The following NPAS3 variants were observed in gnomAD, a reference collection of about 807,000 sequenced individuals.
NPAS3 encodes the protein neuronal PAS domain-containing protein 3.
A neutral mutation model predicts 73.1 loss-of-function variants in NPAS3; 14 were observed. The ratio of observed to expected loss-of-function variants is 0.19; its 90% CI spans 0.13 to 0.30. The LOEUF (loss-of-function observed/expected upper bound fraction) is 0.30, where lower values mean the gene tolerates loss of function less well. Ranked by LOEUF, NPAS3 falls within the 10% of genes least tolerant of loss-of-function variation. The pLI, the probability that NPAS3 is intolerant of heterozygous loss-of-function variation, is 1.00. For synonymous variants in NPAS3, 620 were observed against 541.5 expected, an observed-to-expected ratio of 1.14 and a Z score of -2.01; for missense variants, 1,096 against 1,250.0, an observed-to-expected ratio of 0.88 and a Z score of 1.86.
rs2046078996 is a variant in NPAS3 at position 33,371,336 on chromosome 14, A to T, written c.468+4068A>T. ...GTAAAGGAGAAGAATCTGAGTGTTC[A>T]TGGTAAAGAAAGGGTGGGAAATGAG... On this transcript the variant is annotated intron_variant, in intron 4 of 11. Transcript: ENST00000356141. Among the ~76,000 whole-genome samples the T allele has an allele frequency of 5.3e-5, 8 of 152,284 alleles. No homozygotes were observed. The South Asian group carries it at 1.7e-3, about 32-fold the overall frequency.
chr14:33,630,358 G>A (rs919447426), intron 5 of NPAS3, among the ~76,000 whole-genome samples: 1 of 152,152 alleles, frequency 6.6e-6, no homozygotes, highest in African/African-American at 2.4e-5. Flanking sequence ...GTTTAATCAG[G>A]ACTGGGATTT....
chr14:33,322,428 AC>A (rs2043492312), intron 3 of NPAS3, among the ~76,000 whole-genome samples: 3 of 151,146 alleles, frequency 2.0e-5, no homozygotes, highest in Admixed American at 1.3e-4. Flanking sequence ...CTGAGCAATT[AC>A]GTTTTTGCTA....
intron 6 of NPAS3, among the ~76,000 whole-genome samples, chr14:33,693,704 T>G (rs1183963849): frequency 6.6e-6 from 1 of 152,212 alleles, no homozygotes; most frequent in Non-Finnish European, 1.5e-5. Context: ...ATTCTTAATA[T>G]GCACTAAAAT....
rs2060892131 is a variant in NPAS3, at chr14:33,714,007, AC to A, written c.734-21206del. ...ATCTCACCGGATATCCAAAAGGGTC[AC>A]GACATTCCTTCCTTCAAGTCTGTAA... On this transcript the variant is annotated intron_variant, in intron 6 of 11. Transcript: ENST00000356141. 2.0e-5 allele frequency among the ~76,000 whole-genome samples: 3 copies of A among 152,274 alleles called. 1 individual carries two copies. Among genetic ancestry groups the A allele is most frequent in the African/African-American group, 7.2e-5 (3 of 41,544 alleles).
intron 6 of NPAS3, among the ~76,000 whole-genome samples, chr14:33,730,008 TGTTA>T (rs1417357505): frequency 3.9e-5 from 6 of 152,206 alleles, no homozygotes; most frequent in Non-Finnish European, 8.8e-5. Flanking sequence ...ATTTAGTGAA[TGTTA>T]GTTACTATAT....
chr14:33,414,106 A>C (rs951974527), intron 4 of NPAS3, among the ~76,000 whole-genome samples: 1 of 152,126 alleles, frequency 6.6e-6, no homozygotes, highest in African/African-American at 2.4e-5. Context: ...CAATATTTCC[A>C]TGCATTTTAC....
At chr14:33,264,756 C>T (rs1049366792) in intron 3 of NPAS3, among the ~76,000 whole-genome samples, 1 of 152,058 alleles carries the variant, frequency 6.6e-6, no homozygotes, top group Non-Finnish European at 1.5e-5. Flanking sequence ...TATTCATTTC[C>T]TTCCTCTCCT....
At chr14:33,165,939 G>A (rs1383462548) in intron 2 of NPAS3, among the ~76,000 whole-genome samples, 1 of 152,152 alleles carries the variant, frequency 6.6e-6, no homozygotes, top group Non-Finnish European at 1.5e-5. Context: ...GTTTAGCAGT[G>A]CTCCCTTATG....
chr14:33,780,864 C>T, intron 9 of NPAS3: 1 of 256,198 alleles, frequency 3.9e-6, no homozygotes, highest in East Asian at 1.3e-4. Flanking sequence ...AGAAGGTATG[C>T]TTTCAAATTC....
intron 2 of NPAS3, among the ~76,000 whole-genome samples, chr14:33,081,854 T>C (rs2041872720): frequency 6.6e-6 from 1 of 152,202 alleles, no homozygotes; most frequent in Non-Finnish European, 1.5e-5. Context: ...GGCACACTTG[T>C]ATATTTTGGG....
At chr14:33,677,151 C>T (rs546197009) in intron 6 of NPAS3, among the ~76,000 whole-genome samples, 5 of 152,264 alleles carry the variant, frequency 3.3e-5, no homozygotes, top group Admixed American at 2.0e-4. Flanking sequence ...ATTGGCTGGT[C>T]GGCCTGGGTC....
chr14:33,772,168 C>T (rs879552964), intron 7 of NPAS3, among the ~76,000 whole-genome samples: 3 of 152,092 alleles, frequency 2.0e-5, no homozygotes, highest in Non-Finnish European at 4.4e-5. Context: ...CAAACAGAGA[C>T]GTAATAATAA....
chr14:33,015,724 C>T, intron 1 of NPAS3, among the ~76,000 whole-genome samples: 1 of 152,166 alleles, frequency 6.6e-6, no homozygotes, highest in Non-Finnish European at 1.5e-5. Context: ...TTCACATACA[C>T]ACCCCTACAT....
intron 4 of NPAS3, among the ~76,000 whole-genome samples, chr14:33,412,144 G>T (rs1442310236): frequency 6.7e-6 from 1 of 149,590 alleles, no homozygotes; most frequent in East Asian, 1.9e-4. Context: ...TTATAGACAG[G>T]GTCTCACTCT....
At chr14:33,695,360 A>G (rs1193205396) in intron 6 of NPAS3, among the ~76,000 whole-genome samples, 2 of 152,210 alleles carry the variant, frequency 1.3e-5, no homozygotes, top group African/African-American at 2.4e-5. Context: ...GTTAGTTAGA[A>G]AAGTTTGTTT....
intron 4 of NPAS3, among the ~76,000 whole-genome samples, chr14:33,469,298 TA>T (rs564336534): frequency 0.035 from 5,026 of 142,082 alleles, 91 homozygotes; most frequent in Middle Eastern, 0.072. Context: ...AAGTTTTCTT[TA>T]AAAAAAAAAA....
chr14:33,676,376 C>T (rs1319300476), exon 6 of NPAS3: 2 of 1,566,386 alleles, frequency 1.3e-6, no homozygotes, highest in Non-Finnish European at 1.7e-6. Flanking sequence ...GTCGGAGACC[C>T]CCGAGCCAGG....
intron 4 of NPAS3, among the ~76,000 whole-genome samples, chr14:33,448,764 C>T (rs2049642812): frequency 6.6e-6 from 1 of 152,090 alleles, no homozygotes; most frequent in Non-Finnish European, 1.5e-5. Context: ...TGAAACGTTG[C>T]CGAAAACTGC....
Position 33,167,408 on chromosome 14 carries a change from C to T in NPAS3, c.141-47774C>T, listed in dbSNP as rs542781122. 5.9e-5 allele frequency among the ~76,000 whole-genome samples: 9 copies of T among 152,196 alleles called. No individual in the cohort carries two copies. In the South Asian group the frequency reaches 1.0e-3, roughly 18 times the overall value. ...ATGGAAAATGGAATGAATACACACA[C>T]GCACAAACAGACACACACATACACA... On this transcript the variant is annotated intron_variant, in intron 2 of 11. Transcript: ENST00000356141.
Sources: gnomAD v4.1 joint callset for allele counts (sites outside exome capture counted in the v4.1 genomes callset) on GRCh38, gnomAD v4.1.1 for gene constraint, MANE v1.5 for transcripts, NCBI Gene and HGNC (gene_info 2026-07-23, HGNC 2026-07-21) for gene names.